The following SRGAP3 variants were observed in gnomAD, a reference collection of about 807,000 sequenced individuals.
SRGAP3 encodes the protein SLIT-ROBO Rho GTPase-activating protein 3.
A neutral mutation model predicts 121.1 loss-of-function variants in SRGAP3; 39 were observed. That is an observed-to-expected ratio of 0.32 (90% CI 0.25 to 0.42). SRGAP3 has a LOEUF of 0.42. Among genes scored for constraint, SRGAP3 ranks in the 10% least tolerant of loss-of-function variants. The pLI, the probability that SRGAP3 is intolerant of heterozygous loss-of-function variation, is 1.00. For synonymous variants in SRGAP3, 601 were observed against 570.0 expected (o/e 1.05, Z -0.77); for missense variants, 1,213 against 1,470.6 (o/e 0.82, Z 2.86).
At chr3:8,998,320 T>C (rs1559873390) in intron 18 of SRGAP3, among the ~76,000 whole-genome samples, 2 of 152,344 alleles carry the variant, frequency 1.3e-5, no homozygotes, top group African/African-American at 4.8e-5. Context: ...CAAATATGTA[T>C]TAATGCTATG....
chr3:9,115,497 G>A (rs949562848), intron 2 of SRGAP3, among the ~76,000 whole-genome samples: 5 of 152,194 alleles, frequency 3.3e-5, no homozygotes, highest in African/African-American at 1.2e-4. Flanking sequence ...TTGCTGATTA[G>A]AGTCTCTGAG....
chr3:9,049,305 G>A, intron 9 of SRGAP3: 1 of 429,076 alleles, frequency 2.3e-6, no homozygotes, highest in Non-Finnish European at 4.7e-6. Context: ...AGGTTGTGGT[G>A]TCCTCTCTCC....
Position 9,026,978 on chromosome 3 carries a change from T to C in SRGAP3, c.1557A>G (p.Ile519Met). ...GGATGCAGCTCTCGACTACAAGCGG[T>C]ATAGCTTGTCCTGAATCCTTGAGAA... ...EAFIKDSGQA[I>M]PLVVESCIRY... is the part of the protein sequence containing the mutation. The change falls in exon 13 of 22, where the codon ATA becomes ATG. Residue 519 changes from isoleucine to methionine, a missense_variant. By Grantham distance (10) the Ile-to-Met change is conservative (BLOSUM62 1). Transcript: ENST00000383836. The C allele has an allele frequency of 1.2e-6, 2 of 1,614,218 alleles. No homozygotes were observed. The highest frequency in any genetic ancestry group is 1.7e-6 in the Non-Finnish European group (2 of 1,180,042).
intron 5 of SRGAP3, among the ~76,000 whole-genome samples, chr3:9,063,734 G>T (rs974941581): frequency 6.6e-6 from 1 of 152,152 alleles, no homozygotes; most frequent in Non-Finnish European, 1.5e-5. Context: ...GAGATGAGAC[G>T]AATTTGCCAC....
chr3:9,197,817 T>C (rs897541986), intron 1 of SRGAP3, among the ~76,000 whole-genome samples: 1 of 152,256 alleles, frequency 6.6e-6, no homozygotes, highest in Non-Finnish European at 1.5e-5. Flanking sequence ...TAACATTGTG[T>C]TAAAAGTTTA....
chr3:9,289,737 C>T (rs1285327253), intron 3 of SRGAP3, among the ~76,000 whole-genome samples: 2 of 152,112 alleles, frequency 1.3e-5, no homozygotes, highest in Admixed American at 1.3e-4. Flanking sequence ...CCTATTAGAC[C>T]CTTACCTTGG....
chr3:9,152,599 G>A (rs1030336880), intron 1 of SRGAP3, among the ~76,000 whole-genome samples: 14 of 152,182 alleles, frequency 9.2e-5, no homozygotes, highest in African/African-American at 2.7e-4. Flanking sequence ...AGACAAACCT[G>A]GCATAGCCCC....
At chr3:9,348,728 G>T in intron 1 of SRGAP3, 2 of 1,274,102 alleles carry the variant, frequency 1.6e-6, no homozygotes, top group Non-Finnish European at 2.3e-6. Context: ...GGGTCTGATC[G>T]GTCTCAATAA....
chr3:9,204,884 G>A (rs1436277822), intron 1 of SRGAP3, among the ~76,000 whole-genome samples: 2 of 152,240 alleles, frequency 1.3e-5, no homozygotes, highest in Non-Finnish European at 2.9e-5. Context: ...GCCCTTTGTG[G>A]AGGCAGCCAA....
chr3:9,247,364 G>A (rs368026712), intron 1 of SRGAP3, among the ~76,000 whole-genome samples: 12 of 152,294 alleles, frequency 7.9e-5, no homozygotes, highest in Admixed American at 5.2e-4. Context: ...CAGGAGACCA[G>A]GGAAGAGCAG....
At chr3:9,017,615 A>C (rs1314104310) in intron 14 of SRGAP3, among the ~76,000 whole-genome samples, 1 of 152,212 alleles carries the variant, frequency 6.6e-6, no homozygotes, top group African/African-American at 2.4e-5. Flanking sequence ...GGGACTTGCA[A>C]ATGGGTACAA....
At chr3:9,104,957 C>A in intron 2 of SRGAP3, 115 bp from the exon 3 acceptor site, 1 of 1,244,596 alleles carries the variant, frequency 8.0e-7, no homozygotes. Flanking sequence ...CAAGGTCAGT[C>A]TTGTTGTTAC....
intron 1 of SRGAP3, among the ~76,000 whole-genome samples, chr3:9,144,604 G>A (rs932914034): frequency 1.3e-5 from 2 of 152,218 alleles, no homozygotes; most frequent in African/African-American, 4.8e-5. Context: ...GTCCCATGAG[G>A]TCTGATGGGT....
At chr3:9,051,958 C>A (rs1945599863) in intron 9 of SRGAP3, among the ~76,000 whole-genome samples, 1 of 152,178 alleles carries the variant, frequency 6.6e-6, no homozygotes. Context: ...GGCAATCTGC[C>A]TGCCTTGGCC....
upstream of SRGAP3, among the ~76,000 whole-genome samples, chr3:9,253,847 A>C (rs1183900642): frequency 6.6e-6 from 1 of 152,190 alleles, no homozygotes; most frequent in African/African-American, 2.4e-5. Flanking sequence ...AGGGGACGGA[A>C]TGGCAAGTAG....
intron 20 of SRGAP3, 45 bp from the exon 21 acceptor site, chr3:8,990,884 C>A: frequency 6.9e-7 from 1 of 1,451,926 alleles, no homozygotes; most frequent in Non-Finnish European, 9.1e-7. Context: ...AGAGGTCAAG[C>A]CTGGCAAGTC....
intron 1 of SRGAP3, among the ~76,000 whole-genome samples, chr3:9,346,301 G>A (rs539042582): frequency 2.6e-4 from 39 of 152,194 alleles, no homozygotes; most frequent in Non-Finnish European, 3.7e-4. Context: ...CTGGAGTGCA[G>A]TGGTGAAATC....
rs574689985 is a variant in SRGAP3, at chr3:9,350,617, G to C, written n.214+12223C>G. ...CTTCCACATTATTTCAAATGTAGATGGTAATTTGAGGTGCTAACAAAGTCT... is the reference window on the plus strand; with the variant it reads ...CTTCCACATTATTTCAAATGTAGATCGTAATTTGAGGTGCTAACAAAGTCT... On this transcript the variant is annotated intron_variant and non_coding_transcript_variant, in intron 1 of 3. Transcript: ENST00000490889. Among the ~76,000 whole-genome samples the C allele has an allele frequency of 7.2e-5, 11 of 152,320 alleles. No homozygotes were observed. The East Asian group carries it at 1.9e-3, about 27-fold the overall frequency.
chr3:9,286,963 T>C (rs1219158066), intron 3 of SRGAP3, among the ~76,000 whole-genome samples: 1 of 149,652 alleles, frequency 6.7e-6, no homozygotes, highest in African/African-American at 2.5e-5. Context: ...AATACTCGTT[T>C]GCCTTGTCCA....
Sources: gnomAD v4.1 joint callset for allele counts (sites outside exome capture counted in the v4.1 genomes callset) on GRCh38, gnomAD v4.1.1 for gene constraint, MANE v1.5 for transcripts, NCBI Gene and HGNC (gene_info 2026-07-23, HGNC 2026-07-21) for gene names.